Variants in SPTLC2 observed in about 807,000 individuals in gnomAD.
The protein encoded by SPTLC2 is serine palmitoyltransferase 2.
SPTLC2 carries 21 observed loss-of-function variants against 62.0 expected under a neutral mutation model. The observed-to-expected ratio is 0.34, with a 90% CI of 0.24 to 0.49. SPTLC2 has a LOEUF of 0.49. Among genes scored for constraint, SPTLC2 ranks in the 20% least tolerant of loss-of-function variants. The probability of loss-of-function intolerance (pLI) is 0.99; values close to 1 mark genes in which losing one functional copy is unlikely to be tolerated. For missense variants in SPTLC2, 511 were observed against 713.0 expected (o/e 0.72, Z 3.23); for synonymous variants, 261 against 261.8 (o/e 1.00, Z 0.03).
chr14:77,546,028 A>G (rs1163180350), intron 9 of SPTLC2, among the ~76,000 whole-genome samples: 1 of 152,198 alleles, frequency 6.6e-6, no homozygotes, highest in Non-Finnish European at 1.5e-5. Flanking sequence ...AAGAGCTTTC[A>G]TTTGTTGGGC....
At chr14:77,610,513 T>C (rs1247139817) in intron 1 of SPTLC2, among the ~76,000 whole-genome samples, 1 of 152,138 alleles carries the variant, frequency 6.6e-6, no homozygotes, top group Non-Finnish European at 1.5e-5. Flanking sequence ...CTTGAACTCC[T>C]GGGCTCAAGC....
At position 77,506,885 on chromosome 14, in the gene SPTLC2, T is replaced by C. The variant is rs1001607628; in HGVS notation, c.*5399A>G. The C allele has an allele frequency of 2.6e-5, 4 of 152,258 alleles. No homozygotes were observed. The highest frequency in any genetic ancestry group is 9.6e-5 in the African/African-American group (4 of 41,464). The allele number at this position is 152,258 out of a possible 1,614,324, so 9.4% of individuals were successfully genotyped here. On this transcript the variant is annotated 3_prime_UTR_variant, in exon 12 of 12. Transcript: ENST00000216484. Reference sequence around the variant, plus strand: ...TGCTCCAAAAGAACAGAGCTTTGGGTATTGCTTCATTAAGAACACAGTAAC... The same window carrying C: ...TGCTCCAAAAGAACAGAGCTTTGGGCATTGCTTCATTAAGAACACAGTAAC...
At chr14:77,610,086 C>A (rs1378955746) in intron 1 of SPTLC2, among the ~76,000 whole-genome samples, 2 of 152,096 alleles carry the variant, frequency 1.3e-5, no homozygotes, top group Non-Finnish European at 2.9e-5. Context: ...ACACTTAATA[C>A]CTGGTTTATT....
chr14:77,575,104 C>A (rs1022427984), intron 4 of SPTLC2, among the ~76,000 whole-genome samples: 3 of 152,028 alleles, frequency 2.0e-5, no homozygotes, highest in African/African-American at 7.3e-5. Flanking sequence ...CACCTATAGT[C>A]CTAACTACTT....
intron 2 of SPTLC2, among the ~76,000 whole-genome samples, chr14:77,595,915 A>C (rs896167483): frequency 1.4e-4 from 22 of 152,310 alleles, no homozygotes; most frequent in African/African-American, 4.8e-4. Flanking sequence ...AAGAACACAC[A>C]GGTTTGTTTT....
chr14:77,594,851 G>A (rs2079838149), intron 2 of SPTLC2, among the ~76,000 whole-genome samples: 1 of 151,810 alleles, frequency 6.6e-6, no homozygotes, highest in African/African-American at 2.4e-5. Flanking sequence ...CAGATAAAGA[G>A]TTTTTAGTTT....
At chr14:77,608,507 T>A (rs1029913772) in intron 1 of SPTLC2, among the ~76,000 whole-genome samples, 3 of 152,232 alleles carry the variant, frequency 2.0e-5, no homozygotes, top group African/African-American at 7.2e-5. Context: ...TTAAAGTTAT[T>A]CATTCAATAC....
chr14:77,564,266 G>T (rs1386835018), intron 5 of SPTLC2, among the ~76,000 whole-genome samples: 1 of 140,392 alleles, frequency 7.1e-6, no homozygotes, highest in Admixed American at 7.3e-5. Context: ...GGAGGAGGAG[G>T]AAGAGGAGGA....
chr14:77,608,443 A>G (rs993841135), intron 1 of SPTLC2, among the ~76,000 whole-genome samples: 2 of 152,196 alleles, frequency 1.3e-5, no homozygotes, highest in African/African-American at 2.4e-5. Flanking sequence ...TAGCTTTATC[A>G]AAACTTAAGA....
At chr14:77,531,468 C>CTCT in intron 9 of SPTLC2, among the ~76,000 whole-genome samples, 1 of 111,920 alleles carries the variant, frequency 8.9e-6, no homozygotes, top group African/African-American at 4.0e-5. Flanking sequence ...CCTCCTCCTC[C>CTCT]TCCTCCCCCT....
At chr14:77,561,676 TAAA>T (rs1402489247) in intron 6 of SPTLC2, among the ~76,000 whole-genome samples, 1 of 151,548 alleles carries the variant, frequency 6.6e-6, no homozygotes, top group Non-Finnish European at 1.5e-5. Context: ...TTTCTCACTG[TAAA>T]ACATTTTAGA....
chr14:77,549,206 C>G (rs2079543790), intron 9 of SPTLC2, among the ~76,000 whole-genome samples: 1 of 143,192 alleles, frequency 7.0e-6, no homozygotes, highest in Non-Finnish European at 1.5e-5. Context: ...AAGCATGGTA[C>G]TTCTCCTTGA....
At chr14:77,559,048 G>C (rs2079600583) in intron 6 of SPTLC2, among the ~76,000 whole-genome samples, 2 of 152,182 alleles carry the variant, frequency 1.3e-5, no homozygotes, top group Admixed American at 6.6e-5. Flanking sequence ...AGCCAGGTGT[G>C]GTGGCTCACG....
intron 9 of SPTLC2, among the ~76,000 whole-genome samples, chr14:77,529,049 G>A (rs1186690390): frequency 6.6e-6 from 1 of 152,024 alleles, no homozygotes; most frequent in Non-Finnish European, 1.5e-5. Context: ...TGTTGGCCAG[G>A]CTGGTCTTGA....
intron 9 of SPTLC2, among the ~76,000 whole-genome samples, chr14:77,533,773 CAAAAG>C (rs2079453387): frequency 2.0e-5 from 3 of 152,122 alleles, no homozygotes; most frequent in South Asian, 4.1e-4. Context: ...GATTCGATAG[CAAAAG>C]TAACAAAAAA....
intron 9 of SPTLC2, among the ~76,000 whole-genome samples, chr14:77,540,968 G>C (rs1350352508): frequency 1.3e-5 from 2 of 152,102 alleles, no homozygotes; most frequent in Non-Finnish European, 2.9e-5. Context: ...TAAAATCTAA[G>C]AATAAGGCAA....
chr14:77,567,909 T>C (rs1165336354), intron 5 of SPTLC2, among the ~76,000 whole-genome samples: 4 of 152,150 alleles, frequency 2.6e-5, no homozygotes, highest in Non-Finnish European at 5.9e-5. Flanking sequence ...TTCAAAATGC[T>C]TGGGACCAGA....
At chr14:77,528,793 TCTTTTA>T (rs144298019) in intron 9 of SPTLC2, among the ~76,000 whole-genome samples, 3,452 of 152,270 alleles carry the variant, frequency 0.023, 107 homozygotes, top group African/African-American at 0.079. Flanking sequence ...TAACTGTCAA[TCTTTTA>T]CTTTAATCAT....
chr14:77,574,239 C>G (rs1265634907), intron 4 of SPTLC2, among the ~76,000 whole-genome samples: 1 of 152,082 alleles, frequency 6.6e-6, no homozygotes, highest in Non-Finnish European at 1.5e-5. Flanking sequence ...AGAGTGGAAT[C>G]CTTTGAAAAC....
Sources: allele counts gnomAD v4.1 joint callset (sites outside exome capture counted in the v4.1 genomes callset), GRCh38; gene constraint gnomAD v4.1.1; transcripts MANE v1.5; gene names NCBI Gene and HGNC (gene_info 2026-07-23, HGNC 2026-07-21).